Variants in RBFOX1 observed in about 807,000 individuals in gnomAD.
RBFOX1 encodes the protein RNA binding fox-1 homolog 1.
Under a neutral mutation model 57.7 loss-of-function variants are expected in RBFOX1, and 8 were observed. That is an observed-to-expected ratio of 0.14 (90% confidence interval 0.08 to 0.25). The LOEUF is 0.25. Among genes scored for constraint, RBFOX1 ranks in the 10% least tolerant of loss-of-function variants. The pLI, the probability that RBFOX1 is intolerant of heterozygous loss-of-function variation, is 1.00. For missense variants in RBFOX1, 611 were observed against 548.5 expected (o/e 1.11, Z -1.14); for synonymous variants, 326 against 222.4 (o/e 1.47, Z -4.15).
intron 3 of RBFOX1, among the ~76,000 whole-genome samples, chr16:6,920,863 CTTTA>C (rs1304548353): frequency 6.6e-6 from 1 of 152,194 alleles, no homozygotes; most frequent in African/African-American, 2.4e-5. Flanking sequence ...CCTGCAAAAG[CTTTA>C]TTTCCAAATA....
At chr16:6,746,585 G>C (rs974041581) in intron 3 of RBFOX1, among the ~76,000 whole-genome samples, 3 of 151,962 alleles carry the variant, frequency 2.0e-5, no homozygotes, top group Non-Finnish European at 4.4e-5. Context: ...GGCTGAACTG[G>C]GGGGATCACC....
At chr16:7,701,894 A>G (rs542319527) in intron 14 of RBFOX1, among the ~76,000 whole-genome samples, 1 of 152,174 alleles carries the variant, frequency 6.6e-6, no homozygotes, top group Non-Finnish European at 1.5e-5. Flanking sequence ...TAGTTATGTT[A>G]ATGCTTTCAG....
intron 2 of RBFOX1, among the ~76,000 whole-genome samples, chr16:6,477,677 T>G (rs1423351910): frequency 6.6e-6 from 1 of 152,366 alleles, no homozygotes; most frequent in South Asian, 2.1e-4. Context: ...TAGCCCCTAA[T>G]AAGAGCGTCA....
intron 1 of RBFOX1, among the ~76,000 whole-genome samples, chr16:5,391,493 A>G (rs1022516734): frequency 3.3e-5 from 5 of 152,182 alleles, no homozygotes; most frequent in African/African-American, 1.2e-4. Flanking sequence ...GACCACCCAG[A>G]TAACCGAGGA....
chr16:6,957,912 G>A (rs1270171224), intron 3 of RBFOX1, among the ~76,000 whole-genome samples: 2 of 152,106 alleles, frequency 1.3e-5, no homozygotes, highest in African/African-American at 2.4e-5. Context: ...TTTCCATGCA[G>A]GACATCTGTG....
At chr16:5,277,272 C>T (rs891683656) in intron 1 of RBFOX1, among the ~76,000 whole-genome samples, 21 of 149,814 alleles carry the variant, frequency 1.4e-4, no homozygotes, top group African/African-American at 5.2e-4. Context: ...TGCAAAGGGA[C>T]GAGAATGAAA....
At chr16:6,233,758 G>A (rs992675505) in intron 1 of RBFOX1, among the ~76,000 whole-genome samples, 52 of 152,020 alleles carry the variant, frequency 3.4e-4, no homozygotes, top group African/African-American at 1.2e-3. Context: ...ACAGACATGA[G>A]CCACCATGCC....
At chr16:5,556,578 A>G (rs2045685314) in intron 2 of RBFOX1, among the ~76,000 whole-genome samples, 1 of 152,134 alleles carries the variant, frequency 6.6e-6, no homozygotes, top group Non-Finnish European at 1.5e-5. Context: ...TTGAGGGGAG[A>G]TGTTTACTGG....
chr16:6,948,244 C>G (rs1049454812), intron 3 of RBFOX1, among the ~76,000 whole-genome samples: 1 of 151,440 alleles, frequency 6.6e-6, no homozygotes, highest in Non-Finnish European at 1.5e-5. Context: ...CCAGCCTGGG[C>G]AATATTATGA....
intron 1 of RBFOX1, among the ~76,000 whole-genome samples, chr16:5,376,965 G>A (rs1411529844): frequency 1.3e-5 from 2 of 150,416 alleles, no homozygotes; most frequent in African/African-American, 5.0e-5. Flanking sequence ...CCTTCTCCAA[G>A]TCTCTTCTGC....
chr16:6,647,242 C>A (rs1387579921), intron 2 of RBFOX1, among the ~76,000 whole-genome samples: 3 of 152,004 alleles, frequency 2.0e-5, no homozygotes, highest in Non-Finnish European at 2.9e-5. Flanking sequence ...CTAATTCTTT[C>A]TTTATTTTAT....
chr16:6,380,843 C>T (rs1052767911), intron 2 of RBFOX1, among the ~76,000 whole-genome samples: 2 of 152,194 alleles, frequency 1.3e-5, no homozygotes, highest in African/African-American at 4.8e-5. Flanking sequence ...CCCAAAGCGC[C>T]TCCTTCCCTT....
At chr16:6,851,205 G>A (rs61029912) in intron 3 of RBFOX1, among the ~76,000 whole-genome samples, 14,146 of 152,140 alleles carry the variant, frequency 0.093, 2,177 homozygotes, top group African/African-American at 0.32. Context: ...AAATGATACC[G>A]TGTATGTAGC....
chr16:6,011,131 A>G (rs901641932), intron 4 of RBFOX1, among the ~76,000 whole-genome samples: 29 of 152,350 alleles, frequency 1.9e-4, no homozygotes, highest in African/African-American at 7.0e-4. Context: ...TCGATTGTCA[A>G]TACTCTGTGC....
At chr16:6,431,896 G>GCTTGCTTGCTTGCTTGCTTTCTTTCTTT (rs1491277692) in intron 2 of RBFOX1, among the ~76,000 whole-genome samples, 4 of 128,118 alleles carry the variant, frequency 3.1e-5, no homozygotes, top group Non-Finnish European at 4.8e-5. Flanking sequence ...TTGCTTGCTT[G>GCTTGCTTGCTTGCTTGCTTTCTTTCTTT]CTTTCTTTCT....
At position 6,385,048 on chromosome 16, in the gene RBFOX1, C is replaced by A. The variant is rs562984749; in HGVS notation, c.-64+67991C>A. On this transcript the variant is annotated intron_variant, in intron 2 of 15. Coordinates refer to ENST00000550418, the MANE Select transcript of RBFOX1 (RefSeq NM_018723.4). ...GCTATCTACAAATTATCTCTCCCCT[C>A]ATTAAAGTTTGGTCTTCCAAAGCTT... is the stretch of plus-strand genomic sequence containing the variant. 8.5e-5 allele frequency among the ~76,000 whole-genome samples: 13 copies of A among 152,300 alleles called. No homozygotes were observed. In the South Asian group the frequency reaches 2.7e-3, roughly 32 times the overall value.
intron 2 of RBFOX1, among the ~76,000 whole-genome samples, chr16:6,578,929 G>A (rs1200560810): frequency 6.6e-6 from 1 of 151,892 alleles, no homozygotes; most frequent in Non-Finnish European, 1.5e-5. Flanking sequence ...TGCAAATTGG[G>A]TACAGTGTAC....
At chr16:6,120,306 C>A (rs77275365) in intron 1 of RBFOX1, among the ~76,000 whole-genome samples, 3 of 152,198 alleles carry the variant, frequency 2.0e-5, no homozygotes, top group Non-Finnish European at 4.4e-5. Flanking sequence ...AGTGGAATTG[C>A]TGGATCATGC....
At chr16:5,817,246 A>T (rs1239982671) in intron 3 of RBFOX1, among the ~76,000 whole-genome samples, 2 of 152,068 alleles carry the variant, frequency 1.3e-5, no homozygotes, top group Non-Finnish European at 1.5e-5. Flanking sequence ...CTATTACGGT[A>T]ATTAAACACA....
Sources: gnomAD v4.1 joint callset for allele counts (sites outside exome capture counted in the v4.1 genomes callset) on GRCh38, gnomAD v4.1.1 for gene constraint, MANE v1.5 for transcripts, NCBI Gene and HGNC (gene_info 2026-07-23, HGNC 2026-07-21) for gene names.